MGST2: variants seen among roughly 807,000 people sequenced by gnomAD.
MGST2 encodes the protein microsomal glutathione S-transferase 2.
MGST2 carries 9 observed loss-of-function variants against 16.6 expected under a neutral mutation model. The observed-to-expected ratio is 0.54, with a 90% CI of 0.33 to 0.95. MGST2 has a LOEUF of 0.95. MGST2 is among the 40% of genes least tolerant of loss of function. The probability of loss-of-function intolerance (pLI) is 0.03; values close to 1 mark genes in which losing one functional copy is unlikely to be tolerated. For synonymous variants in MGST2, 79 were observed against 68.0 expected (o/e 1.16, Z -0.79); for missense variants, 159 against 175.1 (o/e 0.91, Z 0.52).
intron 1 of MGST2, among the ~76,000 whole-genome samples, chr4:139,676,754 C>T (rs1322501424): frequency 1.3e-5 from 2 of 152,184 alleles, no homozygotes; most frequent in African/African-American, 4.8e-5. Context: ...CTGTTACAAA[C>T]AAAGCTGCTG....
chr4:139,740,818 C>T (rs115084000), downstream of MGST2: 2,511 of 152,614 alleles, frequency 0.016, 40 homozygotes, highest in Non-Finnish European at 0.025. Context: ...GAGGGCACTT[C>T]CCGCCGTCAT....
At chr4:139,729,669 T>C (rs985786278) in intron 5 of MGST2, among the ~76,000 whole-genome samples, 7 of 152,168 alleles carry the variant, frequency 4.6e-5, no homozygotes, top group African/African-American at 1.4e-4. Context: ...CCTAGGATAA[T>C]GCTAAGTCAG....
chr4:139,736,913 C>A (rs1597906), intron 5 of MGST2, among the ~76,000 whole-genome samples: 1 of 152,152 alleles, frequency 6.6e-6, no homozygotes, highest in Admixed American at 6.5e-5. Flanking sequence ...GCAAAATTTC[C>A]TGCTTTGGAA....
intron 1 of MGST2, among the ~76,000 whole-genome samples, chr4:139,671,711 G>A (rs992576328): frequency 1.3e-5 from 2 of 151,384 alleles, no homozygotes; most frequent in Admixed American, 6.6e-5. Context: ...GTGTGATCTC[G>A]GCTCACTGCA....
At chr4:139,710,207 G>A (rs1251521675) in intron 5 of MGST2, among the ~76,000 whole-genome samples, 1 of 152,106 alleles carries the variant, frequency 6.6e-6, no homozygotes. Flanking sequence ...GAAAAGAATG[G>A]TCAGAGGCAG....
intron 5 of MGST2, chr4:139,718,325 C>G (rs1728078026): frequency 6.6e-6 from 1 of 152,266 alleles, no homozygotes; most frequent in Non-Finnish European, 1.5e-5. Flanking sequence ...TTTATGTGGA[C>G]TCTGCCCAAG....
At chr4:139,722,543 A>G (rs923451141) in intron 5 of MGST2, among the ~76,000 whole-genome samples, 4 of 152,242 alleles carry the variant, frequency 2.6e-5, no homozygotes, top group Non-Finnish European at 4.4e-5. Flanking sequence ...TAACATCACA[A>G]TGTCCAAGAA....
intron 4 of MGST2, 110 bp downstream of exon 4, chr4:139,703,646 A>C: frequency 9.8e-7 from 1 of 1,015,700 alleles, no homozygotes; most frequent in Admixed American, 1.9e-5. Context: ...GTGGTGGCAA[A>C]AGTAATCCAT....
chr4:139,702,908 A>G (rs1727349294), intron 3 of MGST2, among the ~76,000 whole-genome samples: 1 of 105,540 alleles, frequency 9.5e-6, no homozygotes, highest in South Asian at 3.2e-4. Flanking sequence ...TGGTGGTGCC[A>G]TCTCATTATA....
At chr4:139,746,249 T>C in the MGST2 span, among the ~76,000 whole-genome samples, 1 of 152,224 alleles carries the variant, frequency 6.6e-6, no homozygotes, top group South Asian at 2.1e-4. Flanking sequence ...CACTAACCTT[T>C]TAAATCTGAA....
chr4:139,747,132 T>C, the MGST2 span, among the ~76,000 whole-genome samples: 1 of 152,222 alleles, frequency 6.6e-6, no homozygotes. Flanking sequence ...CCTCAGAATG[T>C]GCAGGGAAGT....
intron 2 of MGST2, among the ~76,000 whole-genome samples, chr4:139,682,256 AC>A (rs1196636358): frequency 5.2e-4 from 76 of 147,076 alleles, no homozygotes; most frequent in African/African-American, 1.7e-3. Context: ...AAAAAAAAAA[AC>A]AAAAACAGAA....
chr4:139,668,905 G>A (rs1362834968), intron 1 of MGST2, among the ~76,000 whole-genome samples: 1 of 152,116 alleles, frequency 6.6e-6, no homozygotes, highest in African/African-American at 2.4e-5. Flanking sequence ...TTGCTTGGCA[G>A]GGTATGATAA....
chr4:139,717,363 T>C (rs1728020556), intron 5 of MGST2: 1 of 152,584 alleles, frequency 6.6e-6, no homozygotes, highest in Non-Finnish European at 1.5e-5. Flanking sequence ...TTTTGTGTCT[T>C]CTCATTTGTT....
intron 5 of MGST2, among the ~76,000 whole-genome samples, chr4:139,726,164 T>C (rs1219499459): frequency 6.6e-6 from 1 of 152,260 alleles, no homozygotes; most frequent in Non-Finnish European, 1.5e-5. Flanking sequence ...TGTCTGCTTT[T>C]GTACTTTGCA....
intron 5 of MGST2, among the ~76,000 whole-genome samples, chr4:139,722,215 C>T (rs369805391): frequency 6.6e-6 from 1 of 152,144 alleles, no homozygotes; most frequent in Non-Finnish European, 1.5e-5. Context: ...TTAATCCAAG[C>T]CAACCTTTAT....
chr4:139,700,127 C>CTTTTTTTTTTTTT (rs56662682), intron 3 of MGST2, among the ~76,000 whole-genome samples: 9 of 82,974 alleles, frequency 1.1e-4, no homozygotes, highest in Non-Finnish European at 1.5e-4. Flanking sequence ...TTTGGTTTTG[C>CTTTTTTTTTTTTT]TTTTTTTTTT....
At chr4:139,692,668 T>A in intron 2 of MGST2, among the ~76,000 whole-genome samples, 1 of 152,240 alleles carries the variant, frequency 6.6e-6, no homozygotes, top group East Asian at 1.9e-4. Context: ...TCCCATTAGG[T>A]GTGAAACTAG....
At chr4:139,675,157 T>G (rs1730897146) in intron 1 of MGST2, among the ~76,000 whole-genome samples, 8 of 152,220 alleles carry the variant, frequency 5.3e-5, no homozygotes, top group Admixed American at 5.2e-4. Flanking sequence ...TTTGGGTGAC[T>G]ATTATTTAAA....
Sources: allele counts gnomAD v4.1 joint callset (sites outside exome capture counted in the v4.1 genomes callset), GRCh38; gene constraint gnomAD v4.1.1; transcripts MANE v1.5; gene names NCBI Gene and HGNC (gene_info 2026-07-23, HGNC 2026-07-21).